The following DCP2 variants were observed in gnomAD, a reference collection of about 807,000 sequenced individuals.
DCP2 encodes the protein decapping mRNA 2.
DCP2 carries 30 observed loss-of-function variants against 56.1 expected under a neutral mutation model. The ratio of observed to expected loss-of-function variants is 0.53; its 90% confidence interval spans 0.40 to 0.73. The LOEUF (loss-of-function observed/expected upper bound fraction) is 0.73. Ranked by LOEUF, DCP2 falls within the 30% of genes least tolerant of loss-of-function variation. DCP2 has a pLI of 0.00. For missense variants in DCP2, 533 were observed against 502.7 expected (o/e 1.06, Z -0.58); for synonymous variants, 197 against 163.3 (o/e 1.21, Z -1.57).
At position 113,016,740 on chromosome 5, in the gene DCP2, C is replaced by CT. The variant is rs1421929487; in HGVS notation, c.*3262dup. ...TTCTCTCATGGACTTCTCATCCTTT[C>CT]TTTTTTCATCTCCAACAGTTAAATG... On this transcript the variant is annotated 3_prime_UTR_variant, in exon 11 of 11. Coordinates refer to ENST00000389063, the MANE Select transcript of DCP2 (RefSeq NM_152624.6). 2 of 151,526 alleles carry CT rather than the reference C, an allele frequency of 1.3e-5. No homozygotes were observed. Among genetic ancestry groups the CT allele is most frequent in the Admixed American group, 1.3e-4 (2 of 15,216 alleles). 9.4% of individuals were successfully genotyped at this position (151,526 alleles called of 1,614,324 possible).
At chr5:112,987,560 T>G (rs1033943278) in intron 2 of DCP2, among the ~76,000 whole-genome samples, 2 of 150,618 alleles carry the variant, frequency 1.3e-5, no homozygotes, top group African/African-American at 4.9e-5. Context: ...TCAAGTGATT[T>G]TCATGCCTCA....
At chr5:112,991,114 C>T (rs1748565840) in intron 2 of DCP2, among the ~76,000 whole-genome samples, 1 of 151,920 alleles carries the variant, frequency 6.6e-6, no homozygotes. Context: ...AGTACTAGTA[C>T]CAATATGGTC....
intron 2 of DCP2, among the ~76,000 whole-genome samples, chr5:112,991,758 T>C (rs1346465711): frequency 6.6e-6 from 1 of 152,228 alleles, no homozygotes; most frequent in Non-Finnish European, 1.5e-5. Flanking sequence ...CATTATGAAT[T>C]TGACTCACTT....
intron 4 of DCP2, among the ~76,000 whole-genome samples, chr5:112,995,564 G>C (rs1748809799): frequency 6.6e-6 from 1 of 152,164 alleles, no homozygotes; most frequent in Non-Finnish European, 1.5e-5. Context: ...TTTGAGGGAA[G>C]CACAGGCATC....
At chr5:113,002,501 A>G (rs1043469276) in intron 7 of DCP2, among the ~76,000 whole-genome samples, 3 of 151,346 alleles carry the variant, frequency 2.0e-5, no homozygotes, top group African/African-American at 7.3e-5. Flanking sequence ...CGTGAAGAAC[A>G]TTTTCTTGCT....
intron 8 of DCP2, among the ~76,000 whole-genome samples, chr5:113,006,857 G>A (rs1749461659): frequency 1.3e-5 from 2 of 152,168 alleles, no homozygotes; most frequent in South Asian, 4.1e-4. Flanking sequence ...TCTTAGCCGG[G>A]AACGTTGGCT....
In DCP2 at chr5:113,020,739, C is replaced by A. The variant is rs998303148; in HGVS notation, c.*7255C>A. 2.0e-5 allele frequency: 3 copies of A among 152,226 alleles called. No homozygotes were observed. The highest frequency in any genetic ancestry group is 4.4e-5 in the Non-Finnish European group (3 of 68,036). 9.4% of individuals were successfully genotyped at this position (152,226 alleles called of 1,614,324 possible). A position where few individuals can be genotyped will look rare whatever the true frequency, so the allele number is the denominator to read the frequency against. ...TGTCAGCTGTACTCTGTACTCTCCACTGAGAAAATGAACAAAATCCTATGT... is the reference window on the plus strand; with the variant it reads ...TGTCAGCTGTACTCTGTACTCTCCAATGAGAAAATGAACAAAATCCTATGT... On this transcript the variant is annotated 3_prime_UTR_variant, in exon 11 of 11. Transcript: ENST00000389063.
chr5:112,985,958 G>C lies in DCP2; in HGVS notation c.177G>C (p.Gln59His). Residue 59 changes from glutamine (Q) to histidine (H), a missense_variant, in exon 2 of 11, where the codon CAG becomes CAC. This residue lies in a region of DCP2 where 137 missense variants were observed against 138.2 expected (regional missense o/e 0.99). Coordinates refer to ENST00000389063, the MANE Select transcript of DCP2 (RefSeq NM_152624.6). ...TGCAGAACACACCAGGATTACCTCA[G>C]TGTGGGATAAGAGACTTTGCTAAAG... ...FYMQNTPGLP[Q>H]CGIRDFAKAV... is the part of the protein sequence containing the mutation. 1 of 1,579,336 alleles carries C rather than the reference G, an allele frequency of 6.3e-7. No homozygotes were observed. Among genetic ancestry groups the C allele is most frequent in the Non-Finnish European group, 8.7e-7 (1 of 1,153,894 alleles).
chr5:112,992,091 A>G (rs1178044715), intron 2 of DCP2, 30 bp from the exon 3 acceptor site: 1 of 1,609,702 alleles, frequency 6.2e-7, no homozygotes, highest in Non-Finnish European at 8.5e-7. Flanking sequence ...ATATTAAAGG[A>G]GAAAGTAACT....
At position 113,021,237 on chromosome 5, in the gene DCP2, C is replaced by G. The variant is rs1022968372; in HGVS notation, c.*7753C>G. Among the ~76,000 whole-genome samples the G allele has an allele frequency of 2.0e-5, 3 of 151,702 alleles. No homozygotes were observed. Among genetic ancestry groups the G allele is most frequent in the Middle Eastern group, 3.2e-3 (1 of 316 alleles). On this transcript the variant is annotated 3_prime_UTR_variant, in exon 11 of 11. Coordinates refer to ENST00000389063, the MANE Select transcript of DCP2 (RefSeq NM_152624.6). ...CAAAAATTAGCTGGGCGTGGTGGTG[C>G]GTGTCTGTAGTCCCAGCTACTTGGG...
chr5:112,985,792 T>C (rs1337292364), intron 1 of DCP2, 43 bp from the exon 2 acceptor site: 1 of 1,586,656 alleles, frequency 6.3e-7, no homozygotes, highest in Non-Finnish European at 8.6e-7. Flanking sequence ...TAAATCGTTA[T>C]AGTTTGTAAA....
Position 113,013,438 on chromosome 5 carries a change from G to A in DCP2, c.1217G>A (p.Ser406Asn), listed in dbSNP as rs1353827399. The A allele has an allele frequency of 3.7e-6, 6 of 1,613,946 alleles. No individual in the cohort carries two copies. In the Admixed American group the frequency reaches 5.0e-5, roughly 13 times the overall value. ...KFPFSSRAFL[S>N]FKFDHNAIMK... is the part of the protein sequence containing the mutation. ...CCCTTTTCATCCAGAGCCTTTTTGA[G>A]TTTCAAGTTTGACCATAATGCTATA... Residue 406 changes from serine (S) to asparagine (N), a missense_variant, in exon 11 of 11, where the codon AGT (serine) becomes AAT (asparagine). Ser to Asn is a conservative substitution (Grantham distance 46). This residue lies in a region of DCP2 where 392 missense variants were observed against 346.6 expected (regional missense o/e 1.13). Coordinates refer to ENST00000389063, the MANE Select transcript of DCP2 (RefSeq NM_152624.6).
intron 4 of DCP2, among the ~76,000 whole-genome samples, chr5:112,995,965 A>G (rs2150179394): frequency 6.6e-6 from 1 of 152,294 alleles, no homozygotes; most frequent in African/African-American, 2.4e-5. Context: ...ATGCAGAGAG[A>G]GATCTGGTGT....
rs1479842885 is a variant in DCP2 at position 113,014,479 on chromosome 5, G to C, written c.*995G>C. 1 of 152,590 alleles carries C rather than the reference G, an allele frequency of 6.6e-6. No individual in the cohort carries two copies. The highest frequency in any genetic ancestry group is 1.5e-5 in the Non-Finnish European group (1 of 68,048). 9.5% of individuals were successfully genotyped at this position (152,590 alleles called of 1,614,324 possible). A position where few individuals can be genotyped will look rare whatever the true frequency, so the allele number is the denominator to read the frequency against. ...GCTAAGCCCCTGGATGATGGAGCGA[G>C]AAGGGAAGGGGTATGCAGTTTACCC... On this transcript the variant is annotated 3_prime_UTR_variant, in exon 11 of 11. Transcript: ENST00000389063.
intron 10 of DCP2, among the ~76,000 whole-genome samples, chr5:113,011,865 C>A (rs974073690): frequency 3.9e-5 from 6 of 152,142 alleles, no homozygotes; most frequent in African/African-American, 1.4e-4. Flanking sequence ...AGTCTTTCAT[C>A]CATTTCAAGT....
intron 1 of DCP2, among the ~76,000 whole-genome samples, chr5:112,982,173 A>G (rs1211902799): frequency 7.2e-6 from 1 of 139,222 alleles, no homozygotes; most frequent in East Asian, 2.0e-4. Flanking sequence ...ATTCTGTTGT[A>G]CATGTACTCC....
At chr5:113,011,773 A>G (rs978560232) in intron 10 of DCP2, among the ~76,000 whole-genome samples, 1 of 152,182 alleles carries the variant, frequency 6.6e-6, no homozygotes, top group African/African-American at 2.4e-5. Context: ...TATCCAAAAA[A>G]AAGTCATTGT....
intron 4 of DCP2, among the ~76,000 whole-genome samples, chr5:112,995,447 A>C (rs192291780): frequency 6.6e-6 from 1 of 151,924 alleles, no homozygotes; most frequent in Admixed American, 6.5e-5. Context: ...AGCTCTGTAC[A>C]TGGGATTAGA....
intron 9 of DCP2, 84 bp downstream of exon 9, chr5:113,008,126 A>G: frequency 8.6e-7 from 1 of 1,158,284 alleles, no homozygotes; most frequent in East Asian, 2.4e-5. Flanking sequence ...CAGGAATGTT[A>G]CTTGTTTTGT....
Sources: allele counts gnomAD v4.1 joint callset (sites outside exome capture counted in the v4.1 genomes callset), GRCh38; gene constraint gnomAD v4.1.1; regional missense constraint gnomAD v4.1.1; transcripts MANE v1.5; gene names NCBI Gene and HGNC (gene_info 2026-07-23, HGNC 2026-07-21).